GAK: variants seen among roughly 807,000 people sequenced by gnomAD.
GAK encodes cyclin-G-associated kinase.
GAK carries 79 observed loss-of-function variants against 143.9 expected under a neutral mutation model. The observed-to-expected ratio is 0.55, with a 90% CI of 0.46 to 0.66. The LOEUF (loss-of-function observed/expected upper bound fraction) is 0.66, where lower values mean the gene tolerates loss of function less well. Ranked by LOEUF, GAK falls within the 30% of genes least tolerant of loss-of-function variation. The probability of loss-of-function intolerance (pLI) is 0.00; values close to 1 mark genes in which losing one functional copy is unlikely to be tolerated. For missense variants in GAK, 1,693 were observed against 1,779.7 expected (o/e 0.95, Z 0.88); for synonymous variants, 881 against 765.5 (o/e 1.15, Z -2.49).
intron 1 of GAK, among the ~76,000 whole-genome samples, chr4:926,888 C>CTCCCA: frequency 1.2e-5 from 1 of 83,478 alleles, no homozygotes; most frequent in African/African-American, 4.1e-5. Flanking sequence ...CCCCCCACCC[C>CTCCCA]GCTCACCTGC....
At chr4:893,598 C>T (rs1441243750) in intron 8 of GAK, 109 bp from the exon 9 acceptor site, 1 of 779,236 alleles carries the variant, frequency 1.3e-6, no homozygotes, top group Non-Finnish European at 1.9e-6. Context: ...CTACACACAT[C>T]AGTGACGTCA....
intron 24 of GAK, among the ~76,000 whole-genome samples, chr4:854,429 G>GT (rs1194513306): frequency 6.6e-6 from 1 of 152,190 alleles, no homozygotes; most frequent in Non-Finnish European, 1.5e-5. Context: ...TCTTATGGGT[G>GT]TGGTTTGGGT....
At chr4:881,155 G>C (rs1217283576) in intron 15 of GAK, among the ~76,000 whole-genome samples, 1 of 152,206 alleles carries the variant, frequency 6.6e-6, no homozygotes, top group Non-Finnish European at 1.5e-5. Context: ...AGGGGATAAA[G>C]AATGGGGAGT....
At chr4:884,145 A>G (rs541591080) in intron 11 of GAK, 59 bp from the exon 12 acceptor site, 95 of 1,499,542 alleles carry the variant, frequency 6.3e-5, no homozygotes, top group Non-Finnish European at 2.6e-5. Context: ...GTTAGGTCAC[A>G]GGGCTTAAGC....
At position 905,899 on chromosome 4, in the gene GAK, G is replaced by T. The variant is rs562008194; in HGVS notation, c.383-1120C>A. On this transcript the variant is annotated intron_variant, in intron 4 of 27. Coordinates refer to ENST00000314167, the MANE Select transcript of GAK (RefSeq NM_005255.4). ...GTATGAGGATGCCCACCTCAGCCCCGTGTGTGGGACCACCACCCAGTGGCA... is the reference window on the plus strand; with the variant it reads ...GTATGAGGATGCCCACCTCAGCCCCTTGTGTGGGACCACCACCCAGTGGCA... 3.3e-5 allele frequency among the ~76,000 whole-genome samples: 5 copies of T among 152,380 alleles called. No individual in the cohort carries two copies. The East Asian group carries it at 9.6e-4, about 29-fold the overall frequency.
intron 25 of GAK, chr4:851,348 A>G: frequency 2.2e-6 from 1 of 447,358 alleles, no homozygotes; most frequent in Non-Finnish European, 4.1e-6. Context: ...TGTCCGCCTC[A>G]GCCTCCCAAA....
At chr4:912,375 C>A in intron 3 of GAK, 1 of 369,368 alleles carries the variant, frequency 2.7e-6, no homozygotes. Context: ...CCTGTGGGAG[C>A]CAGGCCATCT....
At chr4:882,080 A>T in intron 14 of GAK, 40 bp from the exon 15 acceptor site, 1 of 1,562,752 alleles carries the variant, frequency 6.4e-7, no homozygotes, top group African/African-American at 1.4e-5. Flanking sequence ...CCTCGCACTC[A>T]TGCAGGACAA....
chr4:870,961 T>C (rs963836163), intron 18 of GAK, 57 bp from the exon 19 acceptor site: 6 of 1,446,502 alleles, frequency 4.1e-6, no homozygotes, highest in Middle Eastern at 1.8e-4. Context: ...TGTAAGTCCT[T>C]GGACATTCAC....
chr4:865,905 C>T (rs1362817641), intron 22 of GAK, among the ~76,000 whole-genome samples: 1 of 152,260 alleles, frequency 6.6e-6, no homozygotes, highest in Non-Finnish European at 1.5e-5. Context: ...ATGCTGTGCC[C>T]CGGCGCCTGA....
intron 11 of GAK, chr4:888,381 C>A (rs907718703): frequency 1.9e-5 from 3 of 155,972 alleles, no homozygotes; most frequent in African/African-American, 7.2e-5. Flanking sequence ...ATGTCGGGGC[C>A]ACCCCCGCAC....
chr4:922,170 G>T (rs770202307), intron 1 of GAK, among the ~76,000 whole-genome samples: 1 of 152,120 alleles, frequency 6.6e-6, no homozygotes, highest in South Asian at 2.1e-4. Flanking sequence ...AATAGGACTG[G>T]TGTCCTTATA....
At chr4:859,285 G>T (rs1749839532) in intron 24 of GAK, 1 of 1,278,012 alleles carries the variant, frequency 7.8e-7, no homozygotes, top group Non-Finnish European at 1.0e-6. Flanking sequence ...GCAGAGCCCA[G>T]CTACACCCCA....
intron 5 of GAK, among the ~76,000 whole-genome samples, chr4:902,615 C>CAAAAAAAAAAA (rs1445933127): frequency 1.9e-4 from 7 of 37,716 alleles, no homozygotes; most frequent in East Asian, 8.1e-4. Flanking sequence ...AAAAAAAAAA[C>CAAAAAAAAAAA]CCCAAAAAAC....
chr4:902,465 C>T lies in GAK; in HGVS notation c.525+2172G>A, dbSNP rs546248542. On this transcript the variant is annotated intron_variant, in intron 5 of 27. Transcript: ENST00000314167. Reference sequence around the variant, plus strand: ...ACTGAAAATACAAAAACTAGGCAGGCGTGGTGTGCGCCTGTGGTCCCAGCT... The same window carrying T: ...ACTGAAAATACAAAAACTAGGCAGGTGTGGTGTGCGCCTGTGGTCCCAGCT... Among the ~76,000 whole-genome samples, 655 of 150,582 alleles carry T rather than the reference C, an allele frequency of 4.3e-3. 3 individuals are homozygous for T. The highest frequency in any genetic ancestry group is 6.9e-3 in the Non-Finnish European group (468 of 67,590).
At chr4:905,729 C>T (rs1256653624) in intron 4 of GAK, among the ~76,000 whole-genome samples, 7 of 151,980 alleles carry the variant, frequency 4.6e-5, no homozygotes, top group East Asian at 1.9e-4. Flanking sequence ...GGCCATGCTA[C>T]GGACTCCGCC....
chr4:882,813 C>T lies in GAK; in HGVS notation c.1411G>A (p.Glu471Lys), dbSNP rs763213126. ...RPSRFHNRVS[E>K]CGWAARRAPH... Reference sequence around the variant, plus strand: ...GCCCGCCGTGCTGCCCAGCCACACTCGGAGACCTGTGGGGACAGGGCACGG... The same window carrying T: ...GCCCGCCGTGCTGCCCAGCCACACTTGGAGACCTGTGGGGACAGGGCACGG... Residue 471 changes from glutamate (E) to lysine (K), a missense_variant, in exon 14 of 28, where the codon GAG (glutamate) becomes AAG (lysine). By Grantham distance (56) the Glu-to-Lys change is moderately conservative. Transcript: ENST00000314167. The T allele has an allele frequency of 9.9e-6, 16 of 1,609,624 alleles. No homozygotes were observed. The East Asian group carries it at 1.1e-4, about 11-fold the overall frequency.
intron 23 of GAK, among the ~76,000 whole-genome samples, chr4:862,824 G>A (rs537497289): frequency 1.1e-3 from 171 of 152,166 alleles, no homozygotes; most frequent in Non-Finnish European, 1.5e-3. Context: ...ATGACTGTTC[G>A]CTGACAATAC....
chr4:918,805 G>A (rs1267072229), intron 1 of GAK, among the ~76,000 whole-genome samples: 5 of 150,434 alleles, frequency 3.3e-5, no homozygotes, highest in South Asian at 2.1e-4. Context: ...AGGCCTCAGC[G>A]CCGCATGACC....
Sources: allele counts gnomAD v4.1 joint callset (sites outside exome capture counted in the v4.1 genomes callset), GRCh38; gene constraint gnomAD v4.1.1; transcripts MANE v1.5; gene names NCBI Gene and HGNC (gene_info 2026-07-23, HGNC 2026-07-21).